Variants in ASB7 observed in about 807,000 individuals in gnomAD.
ASB7 encodes ankyrin repeat and SOCS box containing 7, also known as ankyrin repeat and SOCS box protein 7.
ASB7 carries 4 observed loss-of-function variants against 32.5 expected under a neutral mutation model. That is an observed-to-expected ratio of 0.12 (90% confidence interval 0.06 to 0.28). The LOEUF is 0.28. ASB7 is among the 10% of genes least tolerant of loss of function. The probability of loss-of-function intolerance (pLI) is 1.00; values close to 1 mark genes in which losing one functional copy is unlikely to be tolerated. For missense variants in ASB7, 181 were observed against 407.1 expected (o/e 0.44, Z 4.78); for synonymous variants, 172 against 155.6 (o/e 1.11, Z -0.78).
chr15:100,607,983 G>A (rs1161147443), intron 2 of ASB7, among the ~76,000 whole-genome samples: 1 of 152,188 alleles, frequency 6.6e-6, no homozygotes, highest in Non-Finnish European at 1.5e-5. Flanking sequence ...GGAAGTGGCG[G>A]TGGATAGTTG....
At chr15:100,626,544 G>A (rs1049588201) in intron 4 of ASB7, among the ~76,000 whole-genome samples, 8 of 152,160 alleles carry the variant, frequency 5.3e-5, no homozygotes, top group Admixed American at 4.6e-4. Flanking sequence ...AGTTTCATGT[G>A]CATTTCACAT....
chr15:100,603,585 C>G (rs2039595037), intron 2 of ASB7, among the ~76,000 whole-genome samples: 1 of 152,184 alleles, frequency 6.6e-6, no homozygotes, highest in African/African-American at 2.4e-5. Context: ...GCCATTTACT[C>G]TGCTCTGAGG....
intron 4 of ASB7, among the ~76,000 whole-genome samples, chr15:100,616,519 G>A (rs551140465): frequency 6.6e-6 from 1 of 152,162 alleles, no homozygotes; most frequent in Non-Finnish European, 1.5e-5. Flanking sequence ...ATATGAGGTA[G>A]CCTGGTACAG....
intron 5 of ASB7, among the ~76,000 whole-genome samples, chr15:100,637,870 G>A (rs916268518): frequency 6.6e-6 from 1 of 152,142 alleles, no homozygotes; most frequent in Admixed American, 6.5e-5. Context: ...GCTGCCTTCT[G>A]TGAAGCCAGA....
intron 5 of ASB7, among the ~76,000 whole-genome samples, chr15:100,644,450 C>T (rs1385089465): frequency 6.6e-6 from 1 of 152,102 alleles, no homozygotes. Context: ...TAATTCAAAA[C>T]AGGCTTGGAA....
chr15:100,628,419 A>C (rs568391411), intron 4 of ASB7, among the ~76,000 whole-genome samples: 1 of 152,216 alleles, frequency 6.6e-6, no homozygotes, highest in Non-Finnish European at 1.5e-5. Context: ...TGTGTAAAAC[A>C]TTAATGATTT....
At chr15:100,626,445 T>A (rs944688489) in intron 4 of ASB7, among the ~76,000 whole-genome samples, 13 of 152,208 alleles carry the variant, frequency 8.5e-5, no homozygotes, top group African/African-American at 3.1e-4. Flanking sequence ...TTAAAATGAC[T>A]AATGATACCA....
At chr15:100,615,550 G>T (rs1024159607) in intron 4 of ASB7, among the ~76,000 whole-genome samples, 3 of 152,058 alleles carry the variant, frequency 2.0e-5, no homozygotes, top group Non-Finnish European at 4.4e-5. Context: ...AGGAGATTTT[G>T]TTTTTTGAAA....
chr15:100,612,598 A>G (rs1209569878), intron 4 of ASB7, 171 bp downstream of exon 4: 5 of 668,138 alleles, frequency 7.5e-6, no homozygotes, highest in Middle Eastern at 3.8e-4. Flanking sequence ...TTAAAACCAG[A>G]TTGTTTAAAA....
At chr15:100,606,348 A>C (rs954277222) in intron 2 of ASB7, among the ~76,000 whole-genome samples, 1 of 152,238 alleles carries the variant, frequency 6.6e-6, no homozygotes, top group African/African-American at 2.4e-5. Context: ...ATCAGAAAGC[A>C]CAGTTCAGTT....
intron 5 of ASB7, among the ~76,000 whole-genome samples, chr15:100,636,807 C>T (rs773762456): frequency 5.9e-5 from 9 of 152,100 alleles, no homozygotes; most frequent in African/African-American, 1.2e-4. Context: ...GGACTTTAGC[C>T]GGGGCTTCTC....
intron 5 of ASB7, among the ~76,000 whole-genome samples, chr15:100,644,597 GC>G (rs745764209): frequency 1.3e-5 from 2 of 152,202 alleles, no homozygotes; most frequent in Non-Finnish European, 2.9e-5. Flanking sequence ...GGCAAATGGG[GC>G]CAGACATGGT....
intron 5 of ASB7, among the ~76,000 whole-genome samples, chr15:100,633,981 T>G (rs1375521895): frequency 6.6e-6 from 1 of 152,196 alleles, no homozygotes; most frequent in Admixed American, 6.5e-5. Context: ...CAGAAGGTTG[T>G]GGGAATGTTT....
At position 100,629,083 on chromosome 15, in the gene ASB7, A is replaced by G. The variant is rs973799354; in HGVS notation, c.212-354A>G. 1.3e-5 allele frequency among the ~76,000 whole-genome samples: 2 copies of G among 152,344 alleles called. No individual in the cohort carries two copies. Among genetic ancestry groups the G allele is most frequent in the Non-Finnish European group, 2.9e-5 (2 of 68,032 alleles). On this transcript the variant is annotated intron_variant, in intron 4 of 5. Coordinates refer to ENST00000332783, the MANE Select transcript of ASB7 (RefSeq NM_198243.3). This position sits in a 1 kb window ranked among gnomAD's most constrained non-coding sequence, Gnocchi z 6.8. ...GAAAATAAAACAAAAAGTTCAAAAC[A>G]GAAGAGAAACATGAAACAGTGCAGA...
chr15:100,631,781 A>C (rs1372598901), intron 5 of ASB7, among the ~76,000 whole-genome samples: 1 of 152,222 alleles, frequency 6.6e-6, no homozygotes, highest in Non-Finnish European at 1.5e-5. Context: ...TATGAGGATT[A>C]AATGAGTTAA....
rs1050070519 is a variant in ASB7 at position 100,630,204 on chromosome 15, A to C, written c.817+162A>C. On this transcript the variant is annotated intron_variant, in intron 5 of 5. Coordinates refer to ENST00000332783, the MANE Select transcript of ASB7 (RefSeq NM_198243.3). ...CTTCTGAAATAAAAAAAAAACTTTG[A>C]CTGTATCACAAGATTTCATAAAAAT... The C allele has an allele frequency of 4.5e-6, 6 of 1,341,058 alleles. No homozygotes were observed. In the Middle Eastern group the frequency reaches 8.2e-4, roughly 183 times the overall value. The allele number at this position is 1,341,058 out of a possible 1,614,324, so 83.1% of individuals were successfully genotyped here.
rs1487231777 is a variant in ASB7 at position 100,649,225 on chromosome 15, CTG to C, written c.*766_*767del. On this transcript the variant is annotated 3_prime_UTR_variant, in exon 6 of 6. Coordinates refer to ENST00000332783, the MANE Select transcript of ASB7 (RefSeq NM_198243.3). ...AAGCCAGTGTATTCTGTTTTTAAAA[CTG>C]TGCCTGCAGTGCAATACTCCTTCTG... 6.6e-6 allele frequency: 1 copy of C among 152,472 alleles called. No homozygotes were observed. Among genetic ancestry groups the C allele is most frequent in the East Asian group, 1.9e-4 (1 of 5,194 alleles). The allele number at this position is 152,472 out of a possible 1,614,324, so 9.4% of individuals were successfully genotyped here.
In ASB7 at chr15:100,629,680, C is replaced by G; in HGVS notation, c.455C>G (p.Thr152Arg). Residue 152 changes from threonine (T) to arginine (R), a missense_variant, in exon 5 of 6, where the codon ACA becomes AGA. Physicochemically the swap from Thr to Arg is moderately conservative, Grantham distance 71 (BLOSUM62 -1). Coordinates refer to ENST00000332783, the MANE Select transcript of ASB7 (RefSeq NM_198243.3). The surrounding 1 kb of genome is among the most constrained non-coding windows in gnomAD (Gnocchi z 6.8). The stretch of plus-strand genomic sequence containing the variant: ...GACCCACTCAGTGATAAAGGTACCA[C>G]ACCGCTTCAGCTCGCCATTATCCGA... ...EVDPLSDKGTTPLQLAIIRER... is the reference protein window; with the variant it reads ...EVDPLSDKGTRPLQLAIIRER... The G allele has an allele frequency of 6.2e-7, 1 of 1,614,234 alleles. No individual in the cohort carries two copies. The highest frequency in any genetic ancestry group is 8.5e-7 in the Non-Finnish European group (1 of 1,180,050).
intron 5 of ASB7, among the ~76,000 whole-genome samples, chr15:100,642,543 C>T (rs1342948432): frequency 1.3e-5 from 2 of 152,220 alleles, no homozygotes; most frequent in East Asian, 3.9e-4. Context: ...TTCTGGCTTC[C>T]TTGTAACACT....
Sources: allele counts gnomAD v4.1 joint callset (sites outside exome capture counted in the v4.1 genomes callset), GRCh38; gene constraint gnomAD v4.1.1; non-coding constraint Gnocchi (gnomAD v3.1); transcripts MANE v1.5; gene names NCBI Gene and HGNC (gene_info 2026-07-23, HGNC 2026-07-21).